Variants in SLC30A8 observed in about 807,000 individuals in gnomAD.
SLC30A8 encodes the protein proton-coupled zinc antiporter SLC30A8.
In SLC30A8, 27 loss-of-function variants were observed where a neutral mutation model predicts 36.9. The ratio of observed to expected loss-of-function variants is 0.73; its 90% CI spans 0.54 to 1.01. SLC30A8 has a LOEUF of 1.01. Among genes scored for constraint, SLC30A8 ranks in the 50% least tolerant of loss-of-function variants. The probability of loss-of-function intolerance (pLI) is 0.00; values close to 1 mark genes in which losing one functional copy is unlikely to be tolerated. For synonymous variants in SLC30A8, 164 were observed against 172.4 expected, an observed-to-expected ratio of 0.95 and a Z score of 0.38; for missense variants, 439 against 452.0, an observed-to-expected ratio of 0.97 and a Z score of 0.26.
chr8:117,114,942 T>A (rs1820382349), intron 2 of SLC30A8, among the ~76,000 whole-genome samples: 1 of 151,992 alleles, frequency 6.6e-6, no homozygotes, highest in South Asian at 2.1e-4. Flanking sequence ...TCTTGCTCTG[T>A]CACCCAAGCT....
chr8:117,091,271 C>T (rs1007282866), intron 2 of SLC30A8, among the ~76,000 whole-genome samples: 7 of 152,092 alleles, frequency 4.6e-5, no homozygotes, highest in East Asian at 1.9e-4. Flanking sequence ...GTATCTTGAA[C>T]GGGGCATGAA....
intron 2 of SLC30A8, among the ~76,000 whole-genome samples, chr8:117,067,086 G>T (rs1196656454): frequency 6.6e-6 from 1 of 152,116 alleles, no homozygotes. Flanking sequence ...AGAAATCTGA[G>T]TAAAGGGGGA....
chr8:116,992,550 A>T (rs1320987326), intron 1 of SLC30A8, among the ~76,000 whole-genome samples: 11 of 152,104 alleles, frequency 7.2e-5, no homozygotes, highest in African/African-American at 2.7e-4. Flanking sequence ...TGGAAGTGTC[A>T]TGGGTGGGAG....
At chr8:117,019,994 T>G (rs1816649698) in intron 1 of SLC30A8, among the ~76,000 whole-genome samples, 1 of 152,200 alleles carries the variant, frequency 6.6e-6, no homozygotes, top group East Asian at 1.9e-4. Flanking sequence ...CTTAAGTACT[T>G]AAGAGTAGCC....
intron 2 of SLC30A8, among the ~76,000 whole-genome samples, chr8:117,052,473 A>AT (rs1207820975): frequency 6.6e-6 from 1 of 152,238 alleles, no homozygotes; most frequent in Non-Finnish European, 1.5e-5. Flanking sequence ...AGCACAATAC[A>AT]TTTTTTAGGT....
intron 2 of SLC30A8, among the ~76,000 whole-genome samples, chr8:117,080,432 A>ACGATTGACTCTCTTAC (rs1000160356): frequency 6.6e-6 from 1 of 152,086 alleles, no homozygotes; most frequent in African/African-American, 2.4e-5. Flanking sequence ...GGTTTGAGGA[A>ACGATTGACTCTCTTAC]CGATTGACTC....
intron 6 of SLC30A8, 32 bp from the exon 7 acceptor site, chr8:117,171,002 A>T: frequency 1.3e-6 from 2 of 1,540,664 alleles, no homozygotes; most frequent in Non-Finnish European, 1.7e-6. Flanking sequence ...CTAGTTGAAT[A>T]ACTACAGCCT....
chr8:117,064,164 G>T (rs1040588536), intron 2 of SLC30A8, among the ~76,000 whole-genome samples: 2 of 151,974 alleles, frequency 1.3e-5, no homozygotes, highest in Non-Finnish European at 2.9e-5. Context: ...GCTAATTTTT[G>T]TATTTTTAGT....
At chr8:116,995,170 C>G (rs1332572410) in intron 1 of SLC30A8, among the ~76,000 whole-genome samples, 1 of 152,038 alleles carries the variant, frequency 6.6e-6, no homozygotes, top group Non-Finnish European at 1.5e-5. Context: ...ACTGATTCTG[C>G]TGTACCCTGA....
In SLC30A8 at chr8:117,152,934, C is replaced by T; in HGVS notation, c.272-10C>T. On this transcript the variant is annotated splice_polypyrimidine_tract_variant and intron_variant, in intron 2 of 7. Transcript: ENST00000456015. ...GACCTTAACACAGTGTACTATTTTG[C>T]ATTCTCTAGGTGGGCACATTGCTGG... 6.4e-7 allele frequency: 1 copy of T among 1,570,984 alleles called. No individual in the cohort carries two copies. Among genetic ancestry groups the T allele is most frequent in the Non-Finnish European group, 8.7e-7 (1 of 1,152,324 alleles).
rs112853046 is a variant in SLC30A8 at position 117,144,198 on chromosome 8, G to A, written c.72-2756G>A. 3.8e-3 allele frequency among the ~76,000 whole-genome samples: 584 copies of A among 152,156 alleles called. 3 individuals are homozygous for A. Among genetic ancestry groups the A allele is most frequent in the African/African-American group, 0.014 (569 of 41,510 alleles). Reference sequence around the variant, plus strand: ...CTGGGGACCCAAACTACCAAATTCTGTGGTTATTATTAGGATATTATACAT... The same window carrying A: ...CTGGGGACCCAAACTACCAAATTCTATGGTTATTATTAGGATATTATACAT... On this transcript the variant is annotated intron_variant, in intron 1 of 7. Coordinates refer to ENST00000456015, the MANE Select transcript of SLC30A8 (RefSeq NM_173851.3).
chr8:117,145,425 TATA>T (rs1365966441), intron 1 of SLC30A8, among the ~76,000 whole-genome samples: 1 of 151,938 alleles, frequency 6.6e-6, no homozygotes, highest in Non-Finnish European at 1.5e-5. Flanking sequence ...AAAAATCAAA[TATA>T]ATAATAGAGT....
At chr8:116,994,802 A>G (rs1815761254) in intron 1 of SLC30A8, among the ~76,000 whole-genome samples, 1 of 152,116 alleles carries the variant, frequency 6.6e-6, no homozygotes, top group Admixed American at 6.5e-5. Context: ...TTAGTCCTCA[A>G]AATTTTAACA....
At chr8:117,153,418 G>A (rs1050067087) in intron 3 of SLC30A8, among the ~76,000 whole-genome samples, 2 of 152,158 alleles carry the variant, frequency 1.3e-5, no homozygotes, top group African/African-American at 4.8e-5. Context: ...AGAGAGGATA[G>A]GAGTAAAGCT....
intron 1 of SLC30A8, among the ~76,000 whole-genome samples, chr8:116,968,226 C>T (rs1160418420): frequency 6.6e-6 from 1 of 151,888 alleles, no homozygotes; most frequent in African/African-American, 2.4e-5. Flanking sequence ...AAATAATCCC[C>T]AGATTTTATT....
intron 1 of SLC30A8, among the ~76,000 whole-genome samples, chr8:116,979,238 C>CAAAAAAAAAAAAAAAAAAAAAAAAAAA (rs67998633): frequency 1.6e-5 from 1 of 64,286 alleles, no homozygotes; most frequent in Non-Finnish European, 2.8e-5. Context: ...GACCCTGTCT[C>CAAAAAAAAAAAAAAAAAAAAAAAAAAA]AAAAAAAAAA....
chr8:117,070,213 T>TC (rs1158116389), intron 2 of SLC30A8, among the ~76,000 whole-genome samples: 17 of 152,308 alleles, frequency 1.1e-4, no homozygotes, highest in African/African-American at 4.1e-4. Flanking sequence ...GATTTTTTTT[T>TC]CTCTCATGAT....
chr8:116,974,564 T>G (rs1183812531), intron 1 of SLC30A8, among the ~76,000 whole-genome samples: 1 of 152,094 alleles, frequency 6.6e-6, no homozygotes, highest in Non-Finnish European at 1.5e-5. Context: ...TGTGGAGAAA[T>G]AGGAACATTT....
chr8:117,029,004 T>C (rs539977116), intron 1 of SLC30A8, among the ~76,000 whole-genome samples: 6 of 151,994 alleles, frequency 3.9e-5, no homozygotes, highest in Non-Finnish European at 8.8e-5. Flanking sequence ...GGAAAAGAAA[T>C]AAGTATTAAT....
Sources: allele counts gnomAD v4.1 joint callset (sites outside exome capture counted in the v4.1 genomes callset), GRCh38; gene constraint gnomAD v4.1.1; transcripts MANE v1.5; gene names NCBI Gene and HGNC (gene_info 2026-07-23, HGNC 2026-07-21).